The following NBPF20 variants were observed in gnomAD, a reference collection of about 807,000 sequenced individuals.
NBPF20 encodes the protein NBPF member 20.
A neutral mutation model predicts 68.1 loss-of-function variants in NBPF20; 90 were observed. The observed-to-expected ratio is 1.32, with a 90% CI of 1.11 to 1.58. The LOEUF (loss-of-function observed/expected upper bound fraction) is 1.58. Among genes scored for constraint, NBPF20 ranks in the 40% most tolerant of loss-of-function variants. The pLI is 0.00. For missense variants in NBPF20, 816 were observed against 601.2 expected, an observed-to-expected ratio of 1.36 and a Z score of -3.74; for synonymous variants, 290 against 228.1, an observed-to-expected ratio of 1.27 and a Z score of -2.45.
chr1:145,291,429 T>A lies in NBPF20; in HGVS notation c.*97A>T, dbSNP rs1232053272. 3.1e-6 allele frequency: 5 copies of A among 1,609,696 alleles called. No individual in the cohort carries two copies. In the African/African-American group the frequency reaches 5.4e-5, roughly 17 times the overall value. On this transcript the variant is annotated 3_prime_UTR_variant, in exon 138 of 138. Coordinates refer to ENST00000369373, the Ensembl canonical transcript of NBPF20. Reference sequence around the variant, plus strand: ...GCCATGCCCACTGACCCATCCTATGTCTGGGCTTCCAAATGGAACTGTACT... The same window carrying A: ...GCCATGCCCACTGACCCATCCTATGACTGGGCTTCCAAATGGAACTGTACT...
chr1:145,395,011 C>T, exon 8 of NBPF20: 1 of 1,611,842 alleles, frequency 6.2e-7, no homozygotes, highest in Non-Finnish European at 8.5e-7. Context: ...ACTTGCTGTT[C>T]CTCTAATGAG....
At chr1:145,409,291 A>G (rs587693212), upstream of NBPF20, among the ~76,000 whole-genome samples, 1 of 151,030 alleles carries the variant, frequency 6.6e-6, no homozygotes, top group African/African-American at 2.4e-5. Flanking sequence ...TTATTATTGG[A>G]CATTTCTATC....
exon 138 of NBPF20, chr1:145,291,660 G>A (rs368793533): frequency 1.9e-5 from 30 of 1,611,856 alleles, no homozygotes; most frequent in Middle Eastern, 2.2e-4. Flanking sequence ...CTTCTGTAGT[G>A]CTGGAATGAG....
exon 138 of NBPF20, chr1:145,291,439 C>G (rs587708049): frequency 4.3e-6 from 7 of 1,611,010 alleles, no homozygotes; most frequent in Non-Finnish European, 5.9e-6. Flanking sequence ...TCTGGGCTTC[C>G]AAATGGAACT....
chr1:145,415,343 C>T, the NBPF20 span, among the ~76,000 whole-genome samples: 1 of 150,870 alleles, frequency 6.6e-6, no homozygotes, highest in Admixed American at 6.6e-5. Flanking sequence ...AGGGACGAGC[C>T]GGAGACAGAT....
chr1:145,410,548 C>T (rs1211887638), upstream of NBPF20, among the ~76,000 whole-genome samples: 2 of 150,476 alleles, frequency 1.3e-5, no homozygotes, highest in East Asian at 1.9e-4. Context: ...CTCCTGACCT[C>T]GTGATCCGCC....
At chr1:145,400,465 C>G (rs1419702599) in exon 6 of NBPF20, 1 of 1,612,996 alleles carries the variant, frequency 6.2e-7, no homozygotes. Flanking sequence ...CTTTGTCTTC[C>G]TCAAATGTGA....
chr1:145,397,428 C>A (rs1283578194), intron 7 of NBPF20, among the ~76,000 whole-genome samples: 22 of 152,084 alleles, frequency 1.4e-4, no homozygotes, highest in Admixed American at 6.6e-4. Context: ...TCTCCAGCAT[C>A]TTCAACATTC....
At chr1:145,394,550 C>T (rs1330348103) in intron 8 of NBPF20, among the ~76,000 whole-genome samples, 3 of 152,002 alleles carry the variant, frequency 2.0e-5, no homozygotes, top group Non-Finnish European at 2.9e-5. Flanking sequence ...GAGAGGTAGA[C>T]AAGGGTGACA....
At chr1:145,395,569 T>C (rs1662188373) in intron 7 of NBPF20, among the ~76,000 whole-genome samples, 3 of 149,536 alleles carry the variant, frequency 2.0e-5, no homozygotes, top group Non-Finnish European at 4.4e-5. Flanking sequence ...TTTGATATAA[T>C]ATATTTACTT....
upstream of NBPF20, among the ~76,000 whole-genome samples, chr1:145,408,976 G>T (rs1475824563): frequency 2.0e-5 from 3 of 149,460 alleles, no homozygotes; most frequent in South Asian, 6.5e-4. Flanking sequence ...TTCAATGCAC[G>T]TTTACAAATG....
Position 145,393,821 on chromosome 1 carries a change from C to T in NBPF20, c.1043+63G>A. ...CATTATTTTCAGCATGTACTGTTTT[C>T]CCTGGACTTGGCATCTCCAGGTGTC... On this transcript the variant is annotated intron_variant, in intron 9 of 137. Transcript: ENST00000369373. 5 of 1,248,000 alleles carry T rather than the reference C, an allele frequency of 4.0e-6. 1 individual carries two copies. The South Asian group carries it at 4.8e-5, about 12-fold the overall frequency. 77.3% of individuals were successfully genotyped at this position (1,248,000 alleles called of 1,614,324 possible).
intron 2 of NBPF20, among the ~76,000 whole-genome samples, chr1:145,404,224 T>C (rs1404086153): frequency 7.0e-6 from 1 of 142,506 alleles, no homozygotes; most frequent in Non-Finnish European, 1.5e-5. Context: ...ACCAAGCTAC[T>C]CTCTGCTTTT....
At chr1:145,341,113 C>G (rs1661608954) in intron 75 of NBPF20, among the ~76,000 whole-genome samples, 174 bp from the exon 81 acceptor site, 1 of 83,080 alleles carries the variant, frequency 1.2e-5, no homozygotes, top group African/African-American at 4.0e-5. Context: ...AGGTAGAAAA[C>G]AATGAAAGAG....
intron 9 of NBPF20, 193 bp downstream of exon 14, chr1:145,393,691 G>C: frequency 7.0e-7 from 1 of 1,435,010 alleles, no homozygotes. Context: ...CACTAGGTTA[G>C]TAAATGATAA....
intron 136 of NBPF20, among the ~76,000 whole-genome samples, chr1:145,292,771 T>G (rs1553658495): frequency 9.2e-6 from 1 of 108,194 alleles, no homozygotes; most frequent in African/African-American, 4.3e-5. Context: ...TCCAATCAAC[T>G]TAAAGCAAAT....
At chr1:145,402,130 T>A in intron 4 of NBPF20, 37 bp downstream of exon 9, 1 of 1,359,640 alleles carries the variant, frequency 7.4e-7, no homozygotes, top group Non-Finnish European at 1.0e-6. Context: ...CTCATAAGCC[T>A]GGGATTTTGG....
At chr1:145,394,139 CCT>C (rs1165100134) in intron 8 of NBPF20, among the ~76,000 whole-genome samples, 2 of 152,036 alleles carry the variant, frequency 1.3e-5, no homozygotes, top group African/African-American at 2.4e-5. Context: ...GCAAAATTCC[CCT>C]GTGTTGGAAT....
At chr1:145,419,421 A>T in the NBPF20 span, among the ~76,000 whole-genome samples, 3 of 152,140 alleles carry the variant, frequency 2.0e-5, no homozygotes, top group Non-Finnish European at 2.9e-5. Context: ...TCTGAAACAC[A>T]TAATTCCTCT....
Sources: gnomAD v4.1 joint callset for allele counts (sites outside exome capture counted in the v4.1 genomes callset) on GRCh38, gnomAD v4.1.1 for gene constraint, MANE v1.5 for transcripts, NCBI Gene and HGNC (gene_info 2026-07-23, HGNC 2026-07-21) for gene names.